ABCC5: variants seen among roughly 807,000 people sequenced by gnomAD.
ABCC5 encodes ATP binding cassette subfamily C member 5, also known as ATP-binding cassette sub-family C member 5.
ABCC5 carries 61 observed loss-of-function variants against 160.9 expected under a neutral mutation model. The ratio of observed to expected loss-of-function variants is 0.38; its 90% confidence interval spans 0.31 to 0.47. The LOEUF is 0.47. Among genes scored for constraint, ABCC5 ranks in the 20% least tolerant of loss-of-function variants. The pLI is 0.99. For synonymous variants in ABCC5, 666 were observed against 700.6 expected (o/e 0.95, Z 0.78); for missense variants, 1,308 against 1,813.3 (o/e 0.72, Z 5.06).
chr3:183,957,777 T>TCCGTGTGTATATCACATCGGTTACACGG, intron 17 of ABCC5, among the ~76,000 whole-genome samples: 1 of 56,254 alleles, frequency 1.8e-5, no homozygotes, highest in East Asian at 6.4e-4. Context: ...CGGTTACACG[T>TCCGTGTGTATATCACATCGGTTACACGG]AAATCCGTGT....
chr3:184,003,657 C>A (rs542258046), intron 2 of ABCC5, among the ~76,000 whole-genome samples: 24 of 152,322 alleles, frequency 1.6e-4, no homozygotes, highest in Admixed American at 1.6e-3. Flanking sequence ...AGCCGATGAT[C>A]AGCTAGCAAT....
At chr3:183,964,852 G>C (rs1003185002) in intron 14 of ABCC5, among the ~76,000 whole-genome samples, 4 of 152,318 alleles carry the variant, frequency 2.6e-5, no homozygotes, top group Admixed American at 2.0e-4. Flanking sequence ...AGTTAAGGAG[G>C]TTGGCAAAAT....
intron 23 of ABCC5, 127 bp downstream of exon 23, chr3:183,947,197 A>G (rs949549778): frequency 1.9e-6 from 2 of 1,032,636 alleles, no homozygotes; most frequent in Non-Finnish European, 2.7e-6. Flanking sequence ...TCAGACCATG[A>G]GCAATTCTAG....
intron 10 of ABCC5, among the ~76,000 whole-genome samples, chr3:183,976,177 C>T (rs1450815011): frequency 1.3e-5 from 2 of 151,914 alleles, no homozygotes; most frequent in African/African-American, 4.8e-5. Context: ...CTCTTCTCTC[C>T]TTCCTTCCTT....
chr3:183,988,747 A>G lies in ABCC5; in HGVS notation c.288-20T>C, dbSNP rs1331642573. On this transcript the variant is annotated intron_variant, in intron 3 of 29. Transcript: ENST00000334444. The surrounding 1 kb of genome is among the most constrained non-coding windows in gnomAD (Gnocchi z 4.4). ...TGGTGTCTAAGGAGAGAAAACCGAA[A>G]TCACAAAGCTATCAACACGCACGGA... 2 of 1,610,728 alleles carry G rather than the reference A, an allele frequency of 1.2e-6. No individual in the cohort carries two copies. The highest frequency in any genetic ancestry group is 1.7e-6 in the Non-Finnish European group (2 of 1,178,832).
At chr3:184,005,592 G>T (rs1721116793) in intron 2 of ABCC5, among the ~76,000 whole-genome samples, 1 of 138,590 alleles carries the variant, frequency 7.2e-6, no homozygotes, top group African/African-American at 2.7e-5. Flanking sequence ...TTTTATTTTT[G>T]ACTAAAAGAG....
chr3:183,981,076 C>A (rs1718701533), intron 8 of ABCC5, among the ~76,000 whole-genome samples: 1 of 152,170 alleles, frequency 6.6e-6, no homozygotes, highest in African/African-American at 2.4e-5. Flanking sequence ...GGACTCAGCT[C>A]CTGATGAGGT....
chr3:183,963,558 C>T lies in ABCC5; in HGVS notation c.2062G>A (p.Gly688Arg). ...IGERGANLSG[G>R]QRQRISLARA... The stretch of plus-strand genomic sequence containing the variant: ...GCAAGGCTGATCCTCTGGCGCTGCC[C>T]ACCGCTCAGGTTGGCTCCTCGCTCT... Residue 688 changes from glycine to arginine, a missense_variant, in exon 15 of 30, where the codon GGG (glycine) becomes AGG (arginine). Physicochemically the swap from Gly to Arg is moderately radical, Grantham distance 125. Around this residue, in one of 3 missense-constraint regions of ABCC5, gnomAD observed 1,142 missense variants for 1,527.1 expected, o/e 0.75. Transcript: ENST00000334444. This position sits in a 1 kb window ranked among gnomAD's most constrained non-coding sequence, Gnocchi z 4.6. The T allele has an allele frequency of 1.2e-6, 2 of 1,614,132 alleles. No individual in the cohort carries two copies. The highest frequency in any genetic ancestry group is 1.7e-6 in the Non-Finnish European group (2 of 1,180,054).
chr3:184,010,227 A>G (rs571737006), intron 2 of ABCC5, among the ~76,000 whole-genome samples: 2 of 140,270 alleles, frequency 1.4e-5, no homozygotes, highest in East Asian at 4.4e-4. Flanking sequence ...AGATTGCACC[A>G]CTGCACTCCA....
chr3:183,923,365 G>C (rs1265132049), intron 29 of ABCC5, among the ~76,000 whole-genome samples: 1 of 152,158 alleles, frequency 6.6e-6, no homozygotes, highest in Non-Finnish European at 1.5e-5. Flanking sequence ...GCTTGTGCCT[G>C]TAATCCCAGC....
At chr3:183,952,193 C>T (rs1337530172) in intron 18 of ABCC5, among the ~76,000 whole-genome samples, 190 bp from the exon 19 acceptor site, 1 of 146,100 alleles carries the variant, frequency 6.8e-6, no homozygotes, top group African/African-American at 2.6e-5. Context: ...GTCACCCAGG[C>T]TGGAGTGCAG....
chr3:183,984,590 A>G (rs1719035461), intron 5 of ABCC5: 3 of 1,354,178 alleles, frequency 2.2e-6, no homozygotes. Flanking sequence ...GATTTTTGCC[A>G]AGTCCCAGGA....
chr3:183,925,809 G>A, intron 28 of ABCC5, 90 bp from the exon 29 acceptor site: 1 of 1,086,128 alleles, frequency 9.2e-7, no homozygotes, highest in Non-Finnish European at 1.3e-6. Flanking sequence ...TTTCATTTAA[G>A]TTTTACACTA....
chr3:183,964,406 T>A (rs970762098), intron 14 of ABCC5, among the ~76,000 whole-genome samples: 2 of 152,246 alleles, frequency 1.3e-5, no homozygotes, highest in African/African-American at 4.8e-5. Flanking sequence ...AATATTCAAT[T>A]AATTCAGAGG....
chr3:184,007,854 C>A (rs1007879818), intron 2 of ABCC5, among the ~76,000 whole-genome samples: 16 of 152,044 alleles, frequency 1.1e-4, no homozygotes, highest in African/African-American at 3.6e-4. Context: ...AACAAAAAAA[C>A]CCCACACATA....
chr3:183,976,478 C>T (rs1223543990), intron 10 of ABCC5, among the ~76,000 whole-genome samples: 2 of 152,020 alleles, frequency 1.3e-5, no homozygotes, highest in Admixed American at 6.6e-5. Flanking sequence ...TGGTCTTGAA[C>T]TCCTGGGCTC....
chr3:183,921,010 G>A lies in ABCC5; in HGVS notation c.*290C>T, dbSNP rs1175975236. The A allele has an allele frequency of 2.7e-5, 7 of 263,478 alleles. No homozygotes were observed. Among genetic ancestry groups the A allele is most frequent in the Admixed American group, 5.3e-5 (1 of 18,860 alleles). 16.3% of individuals were successfully genotyped at this position (263,478 alleles called of 1,614,324 possible). On this transcript the variant is annotated 3_prime_UTR_variant, in exon 30 of 30. Coordinates refer to ENST00000334444, the MANE Select transcript of ABCC5 (RefSeq NM_005688.4). The surrounding 1 kb of genome is among the most constrained non-coding windows in gnomAD (Gnocchi z 4.1). Reference sequence around the variant, plus strand: ...GAATTATATATAGATATAGCTACACGTATAAAGCTTCATTATAGGCCTCTG... The same window carrying A: ...GAATTATATATAGATATAGCTACACATATAAAGCTTCATTATAGGCCTCTG...
chr3:183,999,428 C>T (rs1192231014), intron 2 of ABCC5, among the ~76,000 whole-genome samples: 1 of 152,100 alleles, frequency 6.6e-6, no homozygotes, highest in Middle Eastern at 3.2e-3. Context: ...TATACAAAAG[C>T]ATAAATAATA....
At chr3:184,011,989 C>A (rs1721783197) in intron 2 of ABCC5, among the ~76,000 whole-genome samples, 2 of 147,116 alleles carry the variant, frequency 1.4e-5, no homozygotes, top group African/African-American at 2.5e-5. Flanking sequence ...CACAAATTTA[C>A]ACCTTTAAAA....
Sources: gnomAD v4.1 joint callset for allele counts (sites outside exome capture counted in the v4.1 genomes callset) on GRCh38, gnomAD v4.1.1 for gene constraint, gnomAD v4.1.1 regional missense constraint, Gnocchi (gnomAD v3.1) non-coding constraint, MANE v1.5 for transcripts, NCBI Gene and HGNC (gene_info 2026-07-23, HGNC 2026-07-21) for gene names.